Variants in EP400 observed in about 807,000 individuals in gnomAD.
The protein encoded by EP400 is E1A-binding protein p400.
A neutral mutation model predicts 354.1 loss-of-function variants in EP400; 105 were observed. The ratio of observed to expected loss-of-function variants is 0.30; its 90% CI spans 0.25 to 0.35. EP400 has a LOEUF of 0.35. EP400 is among the 10% of genes least tolerant of loss of function. The pLI is 1.00. For synonymous variants in EP400, 1,646 were observed against 1,716.9 expected, an observed-to-expected ratio of 0.96 and a Z score of 1.02; for missense variants, 3,280 against 4,121.0, an observed-to-expected ratio of 0.80 and a Z score of 5.59.
intron 7 of EP400, 44 bp from the exon 8 acceptor site, chr12:131,989,920 T>C: frequency 6.3e-7 from 1 of 1,590,980 alleles, no homozygotes; most frequent in South Asian, 1.2e-5. Flanking sequence ...TTTTCCAGCA[T>C]GACATAGAGT....
In EP400 at chr12:132,043,256, C is replaced by T. The variant is rs760102431; in HGVS notation, c.6208-48C>T. On this transcript the variant is annotated intron_variant, in intron 32 of 52. Coordinates refer to ENST00000389561, the MANE Select transcript of EP400 (RefSeq NM_015409.5). ...TGGGATAGCTCTTTTTCAAACTACCCTCATTTAAAAAGTCTATCAAGGCAA... is the reference window on the plus strand; with the variant it reads ...TGGGATAGCTCTTTTTCAAACTACCTTCATTTAAAAAGTCTATCAAGGCAA... The T allele has an allele frequency of 4.5e-6, 7 of 1,572,048 alleles. No individual in the cohort carries two copies. In the South Asian group the frequency reaches 8.2e-5, roughly 18 times the overall value.
chr12:132,077,879 A>G lies in EP400; in HGVS notation c.*206A>G, dbSNP rs1896285346. ...TATGGAGTGCCGCGTTCTCTGTACT[A>G]CGTGGCTCATGGAAAAAGTGACAAC... On this transcript the variant is annotated 3_prime_UTR_variant, in exon 53 of 53. Coordinates refer to ENST00000389561, the MANE Select transcript of EP400 (RefSeq NM_015409.5). The G allele has an allele frequency of 1.5e-6, 1 of 679,608 alleles. No homozygotes were observed. Among genetic ancestry groups the G allele is most frequent in the Non-Finnish European group, 2.4e-6 (1 of 424,162 alleles). 42.1% of individuals were successfully genotyped at this position (679,608 alleles called of 1,614,324 possible). A position where few individuals can be genotyped will look rare whatever the true frequency, so the allele number is the denominator to read the frequency against.
rs1896040574 is a variant in EP400, at chr12:132,070,679, C to T, written c.9021+1038C>T. Among the ~76,000 whole-genome samples the T allele has an allele frequency of 6.6e-6, 1 of 152,206 alleles. No homozygotes were observed. Among genetic ancestry groups the T allele is most frequent in the African/African-American group, 2.4e-5 (1 of 41,454 alleles). ...AGGGGAGAGTTGACATCTTTACAGT[C>T]TTTCCTTCAGATTCACCAATATGAT... On this transcript the variant is annotated intron_variant, in intron 51 of 52. Transcript: ENST00000389561. The surrounding 1 kb of genome is among the most constrained non-coding windows in gnomAD (Gnocchi z 4.1).
At chr12:132,071,709 G>C (rs955706334) in intron 51 of EP400, among the ~76,000 whole-genome samples, 6 of 152,152 alleles carry the variant, frequency 3.9e-5, no homozygotes, top group Non-Finnish European at 5.9e-5. Flanking sequence ...GTCTTCTGCA[G>C]AGCCCTGCTG....
chr12:132,068,947 G>A (rs1034012061), intron 50 of EP400: 7 of 153,122 alleles, frequency 4.6e-5, no homozygotes, highest in Admixed American at 4.6e-4. Flanking sequence ...GCTGGGCTGT[G>A]TGTTCCTACG....
In EP400 at chr12:132,018,591, A is replaced by G. The variant is rs1483838901; in HGVS notation, c.4277+215A>G. ...CAACTGCTTGCCTCCCTGAGCAGCAACCTCCTTGATCGTCTTTGCAGCAGT... is the reference window on the plus strand; with the variant it reads ...CAACTGCTTGCCTCCCTGAGCAGCAGCCTCCTTGATCGTCTTTGCAGCAGT... On this transcript the variant is annotated intron_variant, in intron 21 of 52. Transcript: ENST00000389561. The surrounding 1 kb of genome is among the most constrained non-coding windows in gnomAD (Gnocchi z 4.0). Among the ~76,000 whole-genome samples, 1 of 152,062 alleles carries G rather than the reference A, an allele frequency of 6.6e-6. No homozygotes were observed. Among genetic ancestry groups the G allele is most frequent in the Non-Finnish European group, 1.5e-5 (1 of 68,022 alleles).
chr12:132,022,698 G>A (rs924587513), intron 23 of EP400, among the ~76,000 whole-genome samples: 4 of 151,306 alleles, frequency 2.6e-5, no homozygotes, highest in African/African-American at 7.3e-5. Context: ...ATAGATTGAC[G>A]CTTACCATCT....
At chr12:131,991,539 G>A in intron 10 of EP400, 83 bp downstream of exon 10, 1 of 1,217,474 alleles carries the variant, frequency 8.2e-7, no homozygotes, top group Non-Finnish European at 1.2e-6. Context: ...CTTATCCAGA[G>A]GAATTTGTAG....
At position 131,990,822 on chromosome 12, in the gene EP400, C is replaced by T; in HGVS notation, c.2629+108C>T. 8 of 759,362 alleles carry T rather than the reference C, an allele frequency of 1.1e-5. No homozygotes were observed. The South Asian group carries it at 1.4e-4, about 13-fold the overall frequency. The allele number at this position is 759,362 out of a possible 1,614,324, so 47.0% of individuals were successfully genotyped here. A position where few individuals can be genotyped will look rare whatever the true frequency, so the allele number is the denominator to read the frequency against. ...TGTGGCTTCCCACAGAGGACATCTG[C>T]TCATCAGCCAGCTGCCTGATTGTTA... On this transcript the variant is annotated intron_variant, in intron 9 of 52. Coordinates refer to ENST00000389561, the MANE Select transcript of EP400 (RefSeq NM_015409.5). The surrounding 1 kb of genome is among the most constrained non-coding windows in gnomAD (Gnocchi z 4.2).
At chr12:132,072,028 G>C (rs1896083633) in intron 51 of EP400, among the ~76,000 whole-genome samples, 1 of 152,188 alleles carries the variant, frequency 6.6e-6, no homozygotes, top group African/African-American at 2.4e-5. Flanking sequence ...GGGTCCTGTG[G>C]TAGTTGTCAT....
chr12:132,062,455 CCT>C lies in EP400; in HGVS notation c.8099-8_8099-7del, dbSNP rs1895728051. The C allele has an allele frequency of 6.2e-7, 1 of 1,613,008 alleles. No individual in the cohort carries two copies. The highest frequency in any genetic ancestry group is 1.3e-5 in the African/African-American group (1 of 75,022). On this transcript the variant is annotated splice_polypyrimidine_tract_variant and intron_variant, in intron 46 of 52. Transcript: ENST00000389561. ...TCCCTGTCCAGACCTAATGAGCAAACCTCTTCATAGCCACAGGAGTTCAGCTC... is the reference window on the plus strand; with the variant it reads ...TCCCTGTCCAGACCTAATGAGCAAACCTTCATAGCCACAGGAGTTCAGCTC...
chr12:131,951,678 T>G (rs1218417854), intron 1 of EP400, among the ~76,000 whole-genome samples: 2 of 152,212 alleles, frequency 1.3e-5, no homozygotes, highest in Non-Finnish European at 2.9e-5. Flanking sequence ...CTCGGCTCAC[T>G]GCAACCTCTG....
At chr12:132,012,152 C>T (rs1038291697) in intron 16 of EP400, among the ~76,000 whole-genome samples, 3 of 152,174 alleles carry the variant, frequency 2.0e-5, no homozygotes, top group Non-Finnish European at 2.9e-5. Context: ...TTGAGTAGAA[C>T]GTTTTGGACC....
chr12:132,065,047 A>G, intron 48 of EP400, 161 bp downstream of exon 48: 6 of 1,306,210 alleles, frequency 4.6e-6, no homozygotes, highest in Non-Finnish European at 6.1e-6. Context: ...GACGGGACTC[A>G]CCACTCGTGG....
chr12:132,035,102 A>G (rs941482018), intron 30 of EP400, among the ~76,000 whole-genome samples: 3 of 152,188 alleles, frequency 2.0e-5, no homozygotes, highest in African/African-American at 7.2e-5. Context: ...GTGAATATGA[A>G]CAGTCCATCC....
At chr12:132,069,690 G>C (rs767385238) in intron 51 of EP400, 49 bp downstream of exon 51, 1 of 1,604,688 alleles carries the variant, frequency 6.2e-7, no homozygotes, top group Non-Finnish European at 8.5e-7. Flanking sequence ...TGGGTGCCCG[G>C]CCTTTGGATT....
chr12:132,027,831 T>C lies in EP400; in HGVS notation c.5110-186T>C, dbSNP rs902337569. On this transcript the variant is annotated intron_variant, in intron 26 of 52. Coordinates refer to ENST00000389561, the MANE Select transcript of EP400 (RefSeq NM_015409.5). The surrounding 1 kb of genome is among the most constrained non-coding windows in gnomAD (Gnocchi z 4.9). ...GAAGAGAACGCTTGTGCTCTCGGCTTCATTTCCATCTCTATTTCCTGTAGC... is the reference window on the plus strand; with the variant it reads ...GAAGAGAACGCTTGTGCTCTCGGCTCCATTTCCATCTCTATTTCCTGTAGC... Among the ~76,000 whole-genome samples, 1 of 152,198 alleles carries C rather than the reference T, an allele frequency of 6.6e-6. No individual in the cohort carries two copies. The highest frequency in any genetic ancestry group is 1.5e-5 in the Non-Finnish European group (1 of 68,038).
chr12:131,982,661 T>C (rs898922906), intron 5 of EP400, among the ~76,000 whole-genome samples, 183 bp downstream of exon 5: 2 of 152,184 alleles, frequency 1.3e-5, no homozygotes, highest in Non-Finnish European at 2.9e-5. Flanking sequence ...CTCTATGATA[T>C]TATCTTTATT....
At chr12:131,963,695 C>A in intron 2 of EP400, 1 of 1,457,780 alleles carries the variant, frequency 6.9e-7, no homozygotes, top group Non-Finnish European at 9.4e-7. Flanking sequence ...TTCCTTCATC[C>A]AGATATTTTA....
Sources: allele counts gnomAD v4.1 joint callset (sites outside exome capture counted in the v4.1 genomes callset), GRCh38; gene constraint gnomAD v4.1.1; non-coding constraint Gnocchi (gnomAD v3.1); transcripts MANE v1.5; gene names NCBI Gene and HGNC (gene_info 2026-07-23, HGNC 2026-07-21).